DHRS4L2: variants seen among roughly 807,000 people sequenced by gnomAD.
DHRS4L2 encodes the protein dehydrogenase/reductase 4 like 2.
A neutral mutation model predicts 23.9 loss-of-function variants in DHRS4L2; 22 were observed. The observed-to-expected ratio is 0.92, with a 90% CI of 0.66 to 1.31. The LOEUF (loss-of-function observed/expected upper bound fraction) is 1.31. Ranked by LOEUF, DHRS4L2 falls within the 40% of genes most tolerant of loss-of-function variation. The probability of loss-of-function intolerance (pLI) is 0.00; values close to 1 mark genes in which losing one functional copy is unlikely to be tolerated. For missense variants in DHRS4L2, 385 were observed against 303.3 expected (o/e 1.27, Z -2.00); for synonymous variants, 141 against 123.7 (o/e 1.14, Z -0.93).
intron 2 of DHRS4L2, among the ~76,000 whole-genome samples, chr14:23,991,968 T>A (rs2034279420): frequency 6.6e-6 from 1 of 151,410 alleles, no homozygotes; most frequent in African/African-American, 2.4e-5. Context: ...ACTCCTGACC[T>A]CAGGTGATCC....
chr14:23,999,367 A>AAAAAAAAAAAAAAAAAAAAAAAC (rs1555330042), intron 3 of DHRS4L2, among the ~76,000 whole-genome samples: 1 of 116,774 alleles, frequency 8.6e-6, no homozygotes, highest in Non-Finnish European at 1.8e-5. Flanking sequence ...AAAAAAAAAA[A>AAAAAAAAAAAAAAAAAAAAAAAC]AAAAAAACAA....
At chr14:23,989,245 C>A (rs2034215597) in intron 1 of DHRS4L2, among the ~76,000 whole-genome samples, 170 bp downstream of exon 1, 1 of 146,120 alleles carries the variant, frequency 6.8e-6, no homozygotes, top group Non-Finnish European at 1.5e-5. Flanking sequence ...AATACCCTGG[C>A]CCTCCCTTGC....
intron 1 of DHRS4L2, among the ~76,000 whole-genome samples, chr14:23,973,973 T>C (rs2033918179): frequency 6.6e-6 from 1 of 151,142 alleles, no homozygotes; most frequent in Non-Finnish European, 1.5e-5. Flanking sequence ...TCACACTTAT[T>C]CTAAAATTGA....
chr14:23,996,300 A>C (rs1359723604), intron 3 of DHRS4L2, among the ~76,000 whole-genome samples: 1 of 151,426 alleles, frequency 6.6e-6, no homozygotes, highest in African/African-American at 2.4e-5. Flanking sequence ...GGTGTCATCA[A>C]AATTTCTCAA....
At chr14:23,981,324 A>G (rs2138516614) in intron 1 of DHRS4L2, among the ~76,000 whole-genome samples, 1 of 151,802 alleles carries the variant, frequency 6.6e-6, no homozygotes, top group Middle Eastern at 3.4e-3. Flanking sequence ...AAATGGAAAA[A>G]CAGTCCATGC....
chr14:24,000,516 G>A (rs2034464481), intron 3 of DHRS4L2, among the ~76,000 whole-genome samples: 1 of 151,986 alleles, frequency 6.6e-6, no homozygotes, highest in African/African-American at 2.4e-5. Context: ...GCAGGTCCAG[G>A]AGGCTGACAA....
chr14:23,995,902 C>T (rs1171157672), intron 3 of DHRS4L2, among the ~76,000 whole-genome samples: 1 of 151,700 alleles, frequency 6.6e-6, no homozygotes, highest in Non-Finnish European at 1.5e-5. Context: ...TTTTGCATTG[C>T]TATAAAGGAA....
intron 5 of DHRS4L2, 29 bp from the exon 6 acceptor site, chr14:24,001,355 G>C: frequency 6.3e-7 from 1 of 1,594,432 alleles, no homozygotes; most frequent in Non-Finnish European, 8.5e-7. Flanking sequence ...TGGAAACTAT[G>C]AGTCTAACAC....
chr14:23,984,891 A>T (rs1481093066), upstream of DHRS4L2, among the ~76,000 whole-genome samples: 1 of 151,298 alleles, frequency 6.6e-6, no homozygotes, highest in Non-Finnish European at 1.5e-5. Flanking sequence ...ATAAAGACAA[A>T]TGAGTACATA....
chr14:23,990,182 G>A lies in DHRS4L2; in HGVS notation c.129G>A (p.Gly43=). ...AGTCTTTGTCTCTTTCTGCTCACAG[G>A]ATCGGCTTCGCCATCGCCCGGCGTT... The part of the protein sequence containing the change: ...KVALVTASTD[G]IGFAIARRLA... The change falls in exon 2 of 8, where the codon GGG becomes GGA. Residue 43 remains glycine (G), a splice_region_variant and synonymous_variant. Transcript: ENST00000335125. The A allele has an allele frequency of 6.2e-7, 1 of 1,612,718 alleles. No individual in the cohort carries two copies.
intron 1 of DHRS4L2, among the ~76,000 whole-genome samples, chr14:23,973,354 G>T (rs113017224): frequency 1.3e-5 from 2 of 151,806 alleles, no homozygotes; most frequent in Non-Finnish European, 2.9e-5. Flanking sequence ...CCCAGTTCCC[G>T]CCCATGCCTC....
intron 1 of DHRS4L2, among the ~76,000 whole-genome samples, chr14:23,973,637 A>G (rs1205706928): frequency 6.6e-6 from 1 of 151,912 alleles, no homozygotes; most frequent in East Asian, 1.9e-4. Flanking sequence ...ACCAACAAAG[A>G]TGAAAGGAGA....
chr14:23,999,429 A>G (rs1243268939), intron 3 of DHRS4L2, among the ~76,000 whole-genome samples: 5 of 149,126 alleles, frequency 3.4e-5, no homozygotes, highest in East Asian at 3.9e-4. Flanking sequence ...TTTAATTTGT[A>G]TATTTTTTAA....
chr14:23,978,492 G>A (rs1181406854), intron 1 of DHRS4L2, among the ~76,000 whole-genome samples: 1 of 91,120 alleles, frequency 1.1e-5, no homozygotes, highest in Non-Finnish European at 1.8e-5. Context: ...AATGCAGAAG[G>A]CAGGTGATTT....
chr14:23,991,513 G>T (rs1393422799), intron 2 of DHRS4L2, among the ~76,000 whole-genome samples: 1 of 151,754 alleles, frequency 6.6e-6, no homozygotes, highest in Non-Finnish European at 1.5e-5. Flanking sequence ...TGGCCTACAG[G>T]CCTGGCCCAG....
chr14:24,001,387 T>C lies in DHRS4L2; in HGVS notation c.535T>C (p.Phe179Leu), dbSNP rs2034485815. The change falls in exon 6 of 8, where the codon TTC (phenylalanine) becomes CTC (leucine). Residue 179 changes from phenylalanine to leucine, a missense_variant. Transcript: ENST00000335125. ...SIAAFSPSPG[F>L]SPYNVSKTAL... ...ACACATTCTCTTCTTTCTCCAGGGCTTCAGTCCTTACAATGTCAGTAAAAC... is the reference window on the plus strand; with the variant it reads ...ACACATTCTCTTCTTTCTCCAGGGCCTCAGTCCTTACAATGTCAGTAAAAC... The C allele has an allele frequency of 3.1e-6, 5 of 1,606,620 alleles. No individual in the cohort carries two copies. Among genetic ancestry groups the C allele is most frequent in the Non-Finnish European group, 4.2e-6 (5 of 1,179,012 alleles).
chr14:23,976,404 G>C (rs2033965322), intron 1 of DHRS4L2, among the ~76,000 whole-genome samples: 1 of 151,880 alleles, frequency 6.6e-6, no homozygotes, highest in African/African-American at 2.4e-5. Context: ...ACCACAATGA[G>C]ATACCATCTC....
chr14:23,976,262 A>G (rs1370227741), intron 1 of DHRS4L2, among the ~76,000 whole-genome samples: 2 of 149,802 alleles, frequency 1.3e-5, no homozygotes, highest in African/African-American at 4.9e-5. Flanking sequence ...AATTTACAAG[A>G]AAAAAAATAA....
chr14:23,972,318 G>C (rs112403809), intron 1 of DHRS4L2, among the ~76,000 whole-genome samples: 8 of 151,862 alleles, frequency 5.3e-5, no homozygotes, highest in Admixed American at 3.9e-4. Flanking sequence ...GCGGACCTTC[G>C]CAGTGAGTGT....
Sources: allele counts gnomAD v4.1 joint callset (sites outside exome capture counted in the v4.1 genomes callset), GRCh38; gene constraint gnomAD v4.1.1; transcripts MANE v1.5; gene names NCBI Gene and HGNC (gene_info 2026-07-23, HGNC 2026-07-21).